The following NCKAP5 variants were observed in gnomAD, a reference collection of about 807,000 sequenced individuals.
NCKAP5 encodes nck-associated protein 5.
A neutral mutation model predicts 167.0 loss-of-function variants in NCKAP5; 92 were observed. The observed-to-expected ratio is 0.55, with a 90% CI of 0.47 to 0.66. The LOEUF (loss-of-function observed/expected upper bound fraction) is 0.66, where lower values mean the gene tolerates loss of function less well. Among genes scored for constraint, NCKAP5 ranks in the 30% least tolerant of loss-of-function variants. NCKAP5 has a pLI of 0.00. For missense variants in NCKAP5, 2,378 were observed against 2,315.0 expected, an observed-to-expected ratio of 1.03 and a Z score of -0.56; for synonymous variants, 891 against 877.4, an observed-to-expected ratio of 1.02 and a Z score of -0.27.
intron 16 of NCKAP5, among the ~76,000 whole-genome samples, chr2:132,772,203 C>T (rs969012921): frequency 6.6e-6 from 1 of 152,094 alleles, no homozygotes; most frequent in Non-Finnish European, 1.5e-5. Context: ...TTGATACTTG[C>T]ACAACCTTGA....
At chr2:133,159,979 C>G (rs2083720825) in intron 5 of NCKAP5, among the ~76,000 whole-genome samples, 1 of 152,078 alleles carries the variant, frequency 6.6e-6, no homozygotes, top group Non-Finnish European at 1.5e-5. Context: ...TATGTAGTCC[C>G]TCTCTCCATC....
chr2:132,700,080 A>G (rs1028144865), intron 19 of NCKAP5, among the ~76,000 whole-genome samples: 92 of 150,994 alleles, frequency 6.1e-4, no homozygotes, highest in African/African-American at 2.0e-3. Flanking sequence ...CTGATGGCCA[A>G]TGATGATGAG....
chr2:133,296,925 T>C (rs1371191055), intron 4 of NCKAP5, among the ~76,000 whole-genome samples: 3 of 152,238 alleles, frequency 2.0e-5, no homozygotes, highest in East Asian at 3.8e-4. Flanking sequence ...CACCTGTTTA[T>C]TCTAAACTCT....
chr2:133,574,448 C>T, the NCKAP5 span, among the ~76,000 whole-genome samples: 1 of 152,256 alleles, frequency 6.6e-6, no homozygotes, highest in Admixed American at 6.5e-5. Context: ...GCCCAGATGG[C>T]CAGCAGAGCC....
chr2:133,472,975 G>T (rs1429934340), intron 3 of NCKAP5, among the ~76,000 whole-genome samples: 1 of 152,102 alleles, frequency 6.6e-6, no homozygotes, highest in African/African-American at 2.4e-5. Context: ...TTGTTACCTG[G>T]TTTCCATGCT....
chr2:132,938,295 G>T (rs1399327265), intron 8 of NCKAP5, among the ~76,000 whole-genome samples: 1 of 152,108 alleles, frequency 6.6e-6, no homozygotes, highest in Non-Finnish European at 1.5e-5. Flanking sequence ...TTCTGACCCT[G>T]GTGGAATTTA....
intron 8 of NCKAP5, among the ~76,000 whole-genome samples, chr2:132,893,111 C>T (rs1201043503): frequency 6.6e-6 from 1 of 151,916 alleles, no homozygotes; most frequent in Non-Finnish European, 1.5e-5. Flanking sequence ...ACAACAATAC[C>T]ATTACACACC....
At chr2:133,107,860 T>G (rs2081765514) in intron 6 of NCKAP5, among the ~76,000 whole-genome samples, 1 of 152,216 alleles carries the variant, frequency 6.6e-6, no homozygotes, top group African/African-American at 2.4e-5. Flanking sequence ...AAATAACCTT[T>G]AAACATTATC....
intron 5 of NCKAP5, among the ~76,000 whole-genome samples, chr2:133,188,578 A>T (rs2085060416): frequency 6.6e-6 from 1 of 152,108 alleles, no homozygotes; most frequent in Non-Finnish European, 1.5e-5. Context: ...AATTATAACA[A>T]ACTGTCTCTC....
In NCKAP5 at chr2:133,008,292, G is replaced by T. The variant is rs147542133; in HGVS notation, c.342-14053C>A. 4.9e-4 allele frequency among the ~76,000 whole-genome samples: 74 copies of T among 152,106 alleles called. 1 individual carries two copies. The East Asian group carries it at 0.01, about 21-fold the overall frequency. On this transcript the variant is annotated intron_variant, in intron 6 of 19. Transcript: ENST00000409261. ...TCCTTTCCCTCATGCCAAATTGATCGCCAGCCTACACAATTACTTTCCCTG... is the reference window on the plus strand; with the variant it reads ...TCCTTTCCCTCATGCCAAATTGATCTCCAGCCTACACAATTACTTTCCCTG...
intron 5 of NCKAP5, among the ~76,000 whole-genome samples, chr2:133,166,074 G>A (rs1384467461): frequency 1.3e-5 from 2 of 152,084 alleles, no homozygotes; most frequent in Non-Finnish European, 1.5e-5. Flanking sequence ...TATCAAATAG[G>A]GCCCTGCAGT....
At chr2:133,383,107 G>A (rs1219246482) in intron 3 of NCKAP5, among the ~76,000 whole-genome samples, 2 of 151,930 alleles carry the variant, frequency 1.3e-5, no homozygotes, top group East Asian at 3.9e-4. Flanking sequence ...GGGTACATGT[G>A]CACAGTGTGC....
chr2:133,373,253 T>C (rs1242217735), intron 3 of NCKAP5, among the ~76,000 whole-genome samples: 1 of 152,000 alleles, frequency 6.6e-6, no homozygotes, highest in Non-Finnish European at 1.5e-5. Context: ...GAGACAGGGT[T>C]TCACCATGTT....
intron 6 of NCKAP5, among the ~76,000 whole-genome samples, chr2:133,074,631 G>A (rs2080535583): frequency 6.6e-6 from 1 of 152,142 alleles, no homozygotes; most frequent in Non-Finnish European, 1.5e-5. Flanking sequence ...CAAAGTGCAG[G>A]TATTACAGGT....
At chr2:132,995,976 A>T (rs1452875120) in intron 6 of NCKAP5, among the ~76,000 whole-genome samples, 1 of 151,888 alleles carries the variant, frequency 6.6e-6, no homozygotes. Flanking sequence ...CTCTGTCTCA[A>T]AAAAAAAATT....
the NCKAP5 span, among the ~76,000 whole-genome samples, chr2:133,592,018 A>C: frequency 6.6e-6 from 1 of 151,592 alleles, no homozygotes; most frequent in South Asian, 2.1e-4. Context: ...TTACACACAA[A>C]TGCACGTTTA....
the NCKAP5 span, among the ~76,000 whole-genome samples, chr2:133,669,387 C>T: frequency 6.6e-6 from 1 of 152,036 alleles, no homozygotes. Context: ...TTTACTCCAC[C>T]ATTTCAGTAG....
At chr2:133,473,331 C>CAA (rs11393887) in intron 3 of NCKAP5, among the ~76,000 whole-genome samples, 218 of 142,280 alleles carry the variant, frequency 1.5e-3, no homozygotes, top group South Asian at 4.0e-3. Context: ...GACTCCGTCT[C>CAA]AAAAAAAAAA....
At chr2:132,744,415 T>A (rs1288431481) in intron 16 of NCKAP5, among the ~76,000 whole-genome samples, 1 of 151,578 alleles carries the variant, frequency 6.6e-6, no homozygotes, top group Non-Finnish European at 1.5e-5. Flanking sequence ...TACAGTACAC[T>A]ACTAAATTTC....
Sources: gnomAD v4.1 joint callset for allele counts (sites outside exome capture counted in the v4.1 genomes callset) on GRCh38, gnomAD v4.1.1 for gene constraint, MANE v1.5 for transcripts, NCBI Gene and HGNC (gene_info 2026-07-23, HGNC 2026-07-21) for gene names.